VAT1L: variants seen among roughly 807,000 people sequenced by gnomAD.
VAT1L encodes the protein putative NADPH-dependent quinone oxidoreductase VAT1L.
A neutral mutation model predicts 44.1 loss-of-function variants in VAT1L; 34 were observed. The ratio of observed to expected loss-of-function variants is 0.77; its 90% CI spans 0.59 to 1.03. The LOEUF (loss-of-function observed/expected upper bound fraction) is 1.03. Among genes scored for constraint, VAT1L ranks in the 50% least tolerant of loss-of-function variants. The pLI, the probability that VAT1L is intolerant of heterozygous loss-of-function variation, is 0.00. For synonymous variants in VAT1L, 253 were observed against 202.2 expected, an observed-to-expected ratio of 1.25 and a Z score of -2.13; for missense variants, 615 against 538.8, an observed-to-expected ratio of 1.14 and a Z score of -1.40.
chr16:77,831,884 C>T (rs957013079), intron 3 of VAT1L, among the ~76,000 whole-genome samples: 8 of 151,772 alleles, frequency 5.3e-5, no homozygotes, highest in East Asian at 1.9e-4. Flanking sequence ...GGCTTGATCT[C>T]GGCTCACTGC....
intron 7 of VAT1L, among the ~76,000 whole-genome samples, chr16:77,952,625 G>A (rs530685713): frequency 1.3e-5 from 2 of 152,184 alleles, no homozygotes; most frequent in South Asian, 2.1e-4. Flanking sequence ...TTGGGAGGCC[G>A]AAGTGGGCAG....
chr16:77,874,839 T>TAAAA (rs769810512), intron 4 of VAT1L, among the ~76,000 whole-genome samples: 14 of 87,666 alleles, frequency 1.6e-4, no homozygotes, highest in East Asian at 1.1e-3. Context: ...AATTAATTTG[T>TAAAA]AAAAAAAAAA....
At chr16:77,934,867 T>A (rs2142505699) in intron 7 of VAT1L, among the ~76,000 whole-genome samples, 1 of 152,262 alleles carries the variant, frequency 6.6e-6, no homozygotes, top group Non-Finnish European at 1.5e-5. Flanking sequence ...GACATGAGGA[T>A]GAGTAAGATG....
intron 3 of VAT1L, among the ~76,000 whole-genome samples, chr16:77,830,134 C>G (rs1006645315): frequency 6.6e-6 from 1 of 152,086 alleles, no homozygotes; most frequent in African/African-American, 2.4e-5. Context: ...ACTCTGCCCT[C>G]CAGCCACCCT....
chr16:77,921,923 T>C (rs1325347783), intron 7 of VAT1L, among the ~76,000 whole-genome samples: 4 of 152,106 alleles, frequency 2.6e-5, no homozygotes, highest in Admixed American at 6.5e-5. Flanking sequence ...TTTATAATTT[T>C]TTTTTATGGT....
chr16:77,919,551 T>G (rs1201757428), intron 7 of VAT1L, among the ~76,000 whole-genome samples: 2 of 152,210 alleles, frequency 1.3e-5, no homozygotes, highest in Admixed American at 6.5e-5. Context: ...TGAGCGAGTC[T>G]GAACTGCCTT....
intron 7 of VAT1L, among the ~76,000 whole-genome samples, chr16:77,896,386 T>G (rs2017325378): frequency 6.6e-6 from 1 of 152,240 alleles, no homozygotes; most frequent in Non-Finnish European, 1.5e-5. Context: ...CATTGACATG[T>G]GCATGGGCAA....
intron 7 of VAT1L, among the ~76,000 whole-genome samples, chr16:77,930,572 G>A (rs1002935621): frequency 1.1e-4 from 16 of 152,144 alleles, no homozygotes; most frequent in African/African-American, 9.7e-5. Context: ...TCCAGGGCCC[G>A]TGCCCCGCTT....
chr16:77,938,359 C>CA lies in VAT1L; in HGVS notation c.1078-33484dup, dbSNP rs576990574. Among the ~76,000 whole-genome samples, 10 of 152,220 alleles carry CA rather than the reference C, an allele frequency of 6.6e-5. No individual in the cohort carries two copies. In the South Asian group the frequency reaches 1.0e-3, roughly 16 times the overall value. On this transcript the variant is annotated intron_variant, in intron 7 of 8. Coordinates refer to ENST00000302536, the MANE Select transcript of VAT1L (RefSeq NM_020927.3). ...CTATAAACAAAACTGAACGCTCTGT[C>CA]AAAAAAATCTGTTTTCTAGAACTTA...
At chr16:77,912,269 A>G (rs902271539) in intron 7 of VAT1L, among the ~76,000 whole-genome samples, 2 of 152,240 alleles carry the variant, frequency 1.3e-5, no homozygotes, top group African/African-American at 4.8e-5. Context: ...GCAAGATACC[A>G]TCAAGGTAGG....
chr16:77,973,597 A>C (rs2018303604), intron 8 of VAT1L, among the ~76,000 whole-genome samples: 2 of 150,060 alleles, frequency 1.3e-5, no homozygotes, highest in Non-Finnish European at 3.0e-5. Flanking sequence ...GGTTATCTTT[A>C]ACAGAAAAAA....
intron 7 of VAT1L, among the ~76,000 whole-genome samples, chr16:77,964,538 C>T (rs1017965577): frequency 1.3e-5 from 2 of 152,082 alleles, no homozygotes; most frequent in Non-Finnish European, 2.9e-5. Context: ...CCATGGGGCC[C>T]CCAGATAATG....
chr16:77,841,937 T>G (rs1420427074), intron 3 of VAT1L, among the ~76,000 whole-genome samples: 1 of 151,964 alleles, frequency 6.6e-6, no homozygotes, highest in Admixed American at 6.6e-5. Context: ...GCCCAGGCTG[T>G]AGTGCAGTGG....
At chr16:77,917,423 T>G (rs1278584740) in intron 7 of VAT1L, among the ~76,000 whole-genome samples, 1 of 152,186 alleles carries the variant, frequency 6.6e-6, no homozygotes, top group African/African-American at 2.4e-5. Context: ...TAAAAATTGC[T>G]AAAGGAACTC....
intron 7 of VAT1L, among the ~76,000 whole-genome samples, chr16:77,955,608 C>G (rs2018094021): frequency 1.3e-5 from 2 of 151,950 alleles, no homozygotes; most frequent in Admixed American, 6.6e-5. Context: ...GTCTGTAACC[C>G]CAGCTACTTG....
intron 6 of VAT1L, among the ~76,000 whole-genome samples, chr16:77,883,925 C>T (rs1403597722): frequency 6.6e-6 from 1 of 152,166 alleles, no homozygotes; most frequent in Non-Finnish European, 1.5e-5. Context: ...GTTCCTTTAA[C>T]AACCCCATCA....
At chr16:77,824,324 G>T (rs12103228) in intron 2 of VAT1L, among the ~76,000 whole-genome samples, 2,503 of 152,226 alleles carry the variant, frequency 0.016, 72 homozygotes, top group African/African-American at 0.055. Flanking sequence ...GAGAGGAGAG[G>T]GTAGTGGCTG....
chr16:77,833,578 CAG>C (rs1440526394), intron 3 of VAT1L, among the ~76,000 whole-genome samples: 1 of 151,950 alleles, frequency 6.6e-6, no homozygotes, highest in Admixed American at 6.6e-5. Context: ...CGGTGAAACC[CAG>C]TCTCTACTAC....
intron 2 of VAT1L, 108 bp downstream of exon 2, chr16:77,817,158 A>G: frequency 6.9e-7 from 1 of 1,448,570 alleles, no homozygotes; most frequent in African/African-American, 1.4e-5. Context: ...GTGCATTATT[A>G]TCATTGTCTT....
Sources: allele counts gnomAD v4.1 joint callset (sites outside exome capture counted in the v4.1 genomes callset), GRCh38; gene constraint gnomAD v4.1.1; transcripts MANE v1.5; gene names NCBI Gene and HGNC (gene_info 2026-07-23, HGNC 2026-07-21).